KRT31: variants seen among roughly 807,000 people sequenced by gnomAD.
KRT31 encodes the protein keratin 31.
KRT31 carries 27 observed loss-of-function variants against 40.8 expected under a neutral mutation model. The observed-to-expected ratio is 0.66, with a 90% CI of 0.49 to 0.91. KRT31 has a LOEUF of 0.91. Among genes scored for constraint, KRT31 ranks in the 40% least tolerant of loss-of-function variants. The probability of loss-of-function intolerance (pLI) is 0.00; values close to 1 mark genes in which losing one functional copy is unlikely to be tolerated. For missense variants in KRT31, 510 were observed against 544.1 expected (o/e 0.94, Z 0.62); for synonymous variants, 231 against 231.9 (o/e 1.00, Z 0.03).
In KRT31 at chr17:41,395,240, C is replaced by T. The variant is rs373634758; in HGVS notation, c.876+5G>A. The T allele has an allele frequency of 1.9e-6, 3 of 1,612,702 alleles. No homozygotes were observed. Among genetic ancestry groups the T allele is most frequent in the Non-Finnish European group, 2.5e-6 (3 of 1,180,038 alleles). ...CGCTCACCAGCAGGTCTGAACAATA[C>T]ACACCAGGTTGTGCTGGGCCTGCAG... On this transcript the variant is annotated splice_donor_5th_base_variant and intron_variant, in intron 5 of 6. Transcript: ENST00000251645.
Position 41,395,029 on chromosome 17 carries a change from G to C in KRT31, c.916C>G (p.Arg306Gly), listed in dbSNP as rs777663715. ...LENTLTESEA[R>G]YSSQLSQVQS... ...ACCTGGGACAGCTGGGAGCTGTAGCGGGCCTCACTCTCTGTCAGCGTGTTT... is the reference window on the plus strand; with the variant it reads ...ACCTGGGACAGCTGGGAGCTGTAGCCGGCCTCACTCTCTGTCAGCGTGTTT... Residue 306 changes from arginine to glycine, a missense_variant, in exon 6 of 7, where the codon CGC becomes GGC. Arg to Gly is a moderately radical substitution (Grantham distance 125). Transcript: ENST00000251645. 2 of 1,614,232 alleles carry C rather than the reference G, an allele frequency of 1.2e-6. No individual in the cohort carries two copies. The highest frequency in any genetic ancestry group is 1.7e-6 in the Non-Finnish European group (2 of 1,180,042).
Position 41,393,856 on chromosome 17 carries a change from T to A in KRT31, c.*160A>T. The A allele has an allele frequency of 1.5e-6, 1 of 688,206 alleles. No individual in the cohort carries two copies. Among genetic ancestry groups the A allele is most frequent in the Non-Finnish European group, 2.3e-6 (1 of 426,210 alleles). The allele number at this position is 688,206 out of a possible 1,614,324, so 42.6% of individuals were successfully genotyped here. On this transcript the variant is annotated 3_prime_UTR_variant, in exon 7 of 7. Transcript: ENST00000251645. ...GGTGAGCAGGACAGTCTGGAGTAGTTGGGGAGGCTACAGGCTTTGGGTGAG... is the reference window on the plus strand; with the variant it reads ...GGTGAGCAGGACAGTCTGGAGTAGTAGGGGAGGCTACAGGCTTTGGGTGAG...
intron 4 of KRT31, 43 bp from the exon 5 acceptor site, chr17:41,395,413 G>T (rs575923836): frequency 6.2e-7 from 1 of 1,613,936 alleles, no homozygotes. Context: ...CTGCCTCCGG[G>T]GCCCTGGGGG....
rs138565003 is a variant in KRT31 at position 41,396,521 on chromosome 17, G to T, written c.487C>A (p.Arg163Ser). The T allele has an allele frequency of 1.9e-6, 3 of 1,614,044 alleles. No individual in the cohort carries two copies. The highest frequency in any genetic ancestry group is 1.3e-5 in the African/African-American group (1 of 75,042). ...AGGGTCAGCTCATCCAGGATCCTGCGCAGACCGTTGATGTCCGACTCCACC... is the reference window on the plus strand; with the variant it reads ...AGGGTCAGCTCATCCAGGATCCTGCTCAGACCGTTGATGTCCGACTCCACC... ...QLVESDINGLRRILDELTLCK... is the reference protein window; with the variant it reads ...QLVESDINGLSRILDELTLCK... The change falls in exon 3 of 7, where the codon CGC becomes AGC. Residue 163 changes from arginine (R) to serine (S), a missense_variant. Transcript: ENST00000251645.
rs189521593 is a variant in KRT31, at chr17:41,395,269, G to A, written c.852C>T (p.Ile284=). The change falls in exon 5 of 7, where the codon ATC becomes ATT. Residue 284 remains isoleucine (I), a synonymous_variant. Transcript: ENST00000251645. Reference sequence around the variant, plus strand: ...CCAGGTTGTGCTGGGCCTGCAGCTCGATCTCCAGGGCGTTGACTGTGCGTC... The same window carrying A: ...CCAGGTTGTGCTGGGCCTGCAGCTCAATCTCCAGGGCGTTGACTGTGCGTC... The part of the protein sequence containing the change: ...ELRRTVNALE[I]ELQAQHNLRD... 51 of 1,612,846 alleles carry A rather than the reference G, an allele frequency of 3.2e-5. No individual in the cohort carries two copies. The East Asian group carries it at 7.6e-4, about 24-fold the overall frequency.
intron 1 of KRT31, 44 bp downstream of exon 1, chr17:41,397,148 C>A: frequency 6.2e-7 from 1 of 1,603,204 alleles, no homozygotes; most frequent in Non-Finnish European, 8.5e-7. Flanking sequence ...CAGACAGAAT[C>A]ACAGCAAACT....
chr17:41,397,054 T>C, intron 1 of KRT31, 59 bp from the exon 2 acceptor site: 1 of 1,586,226 alleles, frequency 6.3e-7, no homozygotes, highest in South Asian at 1.1e-5. Flanking sequence ...CATCAACTTT[T>C]TAAAAATGAC....
Position 41,397,608 on chromosome 17 carries a change from T to G in KRT31, c.-69A>C. On this transcript the variant is annotated 5_prime_UTR_variant, in exon 1 of 7. Coordinates refer to ENST00000251645, the MANE Select transcript of KRT31 (RefSeq NM_002277.3). ...CTAAATTCTCCAAGCCACAGAGCTG[T>G]GGGTCTCCTTCCTCTAGGGAGCATT... 6.6e-7 allele frequency: 1 copy of G among 1,512,212 alleles called. No homozygotes were observed. 93.7% of individuals were successfully genotyped at this position (1,512,212 alleles called of 1,614,324 possible).
Position 41,397,427 on chromosome 17 carries a change from G to C in KRT31, c.113C>G (p.Pro38Arg). The change falls in exon 1 of 7, where the codon CCC (proline) becomes CGC (arginine). Residue 38 changes from proline to arginine, a missense_variant. Coordinates refer to ENST00000251645, the MANE Select transcript of KRT31 (RefSeq NM_002277.3). ...CCAGTTGCAGTTGCTCACATTGGCGGGGATGTTGCAGGCCCCGGGCAGGGT... is the reference window on the plus strand; with the variant it reads ...CCAGTTGCAGTTGCTCACATTGGCGCGGATGTTGCAGGCCCCGGGCAGGGT... ...SCTLPGACNI[P>R]ANVSNCNWFC... The C allele has an allele frequency of 6.2e-7, 1 of 1,613,010 alleles. No individual in the cohort carries two copies. The highest frequency in any genetic ancestry group is 8.5e-7 in the Non-Finnish European group (1 of 1,180,016).
rs759692289 is a variant in KRT31 at position 41,396,414 on chromosome 17, T to C, written c.588+6A>G. ...AGGTTTGTGCATTTCTCATTTCTAGTCTCACCTGCTCATGGTTGCTCTTGA... is the reference window on the plus strand; with the variant it reads ...AGGTTTGTGCATTTCTCATTTCTAGCCTCACCTGCTCATGGTTGCTCTTGA... On this transcript the variant is annotated splice_donor_region_variant and intron_variant, in intron 3 of 6. Transcript: ENST00000251645. 6.2e-7 allele frequency: 1 copy of C among 1,612,626 alleles called. No homozygotes were observed. Among genetic ancestry groups the C allele is most frequent in the Non-Finnish European group, 8.5e-7 (1 of 1,179,346 alleles).
At position 41,394,831 on chromosome 17, in the gene KRT31, T is replaced by C; in HGVS notation, c.1097+17A>G. On this transcript the variant is annotated intron_variant, in intron 6 of 6. Transcript: ENST00000251645. ...CACGTGCATCATTTCATCAAACACG[T>C]CTGCCCATGTACTCACTTGCAGTCC... is the stretch of plus-strand genomic sequence containing the variant. 1.2e-6 allele frequency: 2 copies of C among 1,613,630 alleles called. No individual in the cohort carries two copies. Among genetic ancestry groups the C allele is most frequent in the Non-Finnish European group, 1.7e-6 (2 of 1,179,658 alleles).
chr17:41,395,013 A>G lies in KRT31; in HGVS notation c.932T>C (p.Leu311Pro). The G allele has an allele frequency of 6.2e-7, 1 of 1,614,254 alleles. No individual in the cohort carries two copies. Among genetic ancestry groups the G allele is most frequent in the Non-Finnish European group, 8.5e-7 (1 of 1,180,042 alleles). The change falls in exon 6 of 7, where the codon CTG becomes CCG. Residue 311 changes from leucine (L) to proline (P), a missense_variant. By Grantham distance (98) the Leu-to-Pro change is moderately conservative. Transcript: ENST00000251645. ...GGTGATCAGGCTCTGCACCTGGGAC[A>G]GCTGGGAGCTGTAGCGGGCCTCACT... ...TESEARYSSQ[L>P]SQVQSLITNV...
chr17:41,393,810 AC>A lies in KRT31; in HGVS notation c.*205del. On this transcript the variant is annotated 3_prime_UTR_variant, in exon 7 of 7. Transcript: ENST00000251645. Reference sequence around the variant, plus strand: ...GTTCTCTGGGTGAGCATAGGAAGGAACAGACCCCCAGGAAGGAAAGGGTGAG... The same window carrying A: ...GTTCTCTGGGTGAGCATAGGAAGGAAAGACCCCCAGGAAGGAAAGGGTGAG... 1.8e-6 allele frequency: 1 copy of A among 561,416 alleles called. No homozygotes were observed. The allele number at this position is 561,416 out of a possible 1,614,324, so 34.8% of individuals were successfully genotyped here. A position where few individuals can be genotyped will look rare whatever the true frequency, so the allele number is the denominator to read the frequency against.
intron 6 of KRT31, among the ~76,000 whole-genome samples, chr17:41,394,518 A>T (rs1028577741): frequency 6.6e-6 from 1 of 152,196 alleles, no homozygotes; most frequent in Non-Finnish European, 1.5e-5. Flanking sequence ...TAATTATAAG[A>T]TCAAATCAGG....
intron 1 of KRT31, 42 bp from the exon 2 acceptor site, chr17:41,397,037 A>G (rs1224034557): frequency 6.3e-7 from 1 of 1,586,126 alleles, no homozygotes; most frequent in South Asian, 1.1e-5. Flanking sequence ...GAAAATAAAT[A>G]TGAAATCATC....
At chr17:41,395,183 C>T in intron 5 of KRT31, 62 bp downstream of exon 5, 1 of 1,611,196 alleles carries the variant, frequency 6.2e-7, no homozygotes, top group Admixed American at 1.7e-5. Flanking sequence ...GCCCCAAGCA[C>T]ATCCCCGGGA....
Position 41,397,271 on chromosome 17 carries a change from T to A in KRT31, c.269A>T (p.Glu90Val). 1 of 1,614,234 alleles carries A rather than the reference T, an allele frequency of 6.2e-7. No individual in the cohort carries two copies. The highest frequency in any genetic ancestry group is 8.5e-7 in the Non-Finnish European group (1 of 1,180,032). Residue 90 changes from glutamate to valine, a missense_variant, in exon 1 of 7, where the codon GAG becomes GTG. Coordinates refer to ENST00000251645, the MANE Select transcript of KRT31 (RefSeq NM_002277.3). ...DNAELENLIR[E>V]RSQQQEPLLC... is the part of the protein sequence containing the mutation. ...CAAGGGCTCCTGCTGCTGAGACCGC[T>A]CCCGGATGAGGTTCTCCAGCTCCGC...
At chr17:41,395,407 C>T (rs1248211771) in intron 4 of KRT31, 37 bp from the exon 5 acceptor site, 1 of 1,614,072 alleles carries the variant, frequency 6.2e-7, no homozygotes, top group Non-Finnish European at 8.5e-7. Context: ...CAGACCCTGC[C>T]TCCGGGGCCC....
intron 3 of KRT31, 73 bp from the exon 4 acceptor site, chr17:41,395,696 G>A (rs2018215254): frequency 6.6e-7 from 1 of 1,522,212 alleles, no homozygotes; most frequent in East Asian, 2.3e-5. Context: ...ATTGCTTGTT[G>A]AAACCCTGTT....
Sources: allele counts gnomAD v4.1 joint callset (sites outside exome capture counted in the v4.1 genomes callset), GRCh38; gene constraint gnomAD v4.1.1; transcripts MANE v1.5; gene names NCBI Gene and HGNC (gene_info 2026-07-23, HGNC 2026-07-21).